The following AJAP1 variants were observed in gnomAD, a reference collection of about 807,000 sequenced individuals.
The protein encoded by AJAP1 is adherens junction-associated protein 1.
Under a neutral mutation model 35.0 loss-of-function variants are expected in AJAP1, and 5 were observed. The ratio of observed to expected loss-of-function variants is 0.14; its 90% CI spans 0.07 to 0.30. The LOEUF (loss-of-function observed/expected upper bound fraction) is 0.30. AJAP1 is among the 10% of genes least tolerant of loss of function. The probability of loss-of-function intolerance (pLI) is 1.00; values close to 1 mark genes in which losing one functional copy is unlikely to be tolerated. For missense variants in AJAP1, 586 were observed against 571.0 expected, an observed-to-expected ratio of 1.03 and a Z score of -0.27; for synonymous variants, 284 against 249.3, an observed-to-expected ratio of 1.14 and a Z score of -1.31.
chr1:4,762,179 T>C (rs1277759328), intron 2 of AJAP1, among the ~76,000 whole-genome samples: 1 of 152,230 alleles, frequency 6.6e-6, no homozygotes, highest in Non-Finnish European at 1.5e-5. Flanking sequence ...AGTGAGGGGC[T>C]GAAGCCTGGA....
chr1:4,736,236 G>T (rs436132), intron 2 of AJAP1, among the ~76,000 whole-genome samples: 1 of 152,108 alleles, frequency 6.6e-6, no homozygotes, highest in Non-Finnish European at 1.5e-5. Context: ...CTCTGATGTT[G>T]CCCCTCGCCT....
At chr1:4,708,644 C>A (rs1325348820) in intron 1 of AJAP1, among the ~76,000 whole-genome samples, 4 of 152,208 alleles carry the variant, frequency 2.6e-5, no homozygotes, top group African/African-American at 7.2e-5. Flanking sequence ...CCAAGTCCTC[C>A]TGCTGCAGAG....
At chr1:4,771,625 A>G (rs1430307129) in intron 3 of AJAP1, among the ~76,000 whole-genome samples, 2 of 152,170 alleles carry the variant, frequency 1.3e-5, no homozygotes, top group Admixed American at 6.5e-5. Flanking sequence ...TAGGAGTCCC[A>G]TGGTCACTAT....
At position 4,791,156 on chromosome 1, in the gene AJAP1, C is replaced by T. The variant is rs1463787970; in HGVS notation, c.*8671C>T. The stretch of plus-strand genomic sequence containing the variant: ...GACCTTTACTAACTGACTCTTGGTA[C>T]CCGGATTGTTGAGAGGTGAGTGGGA... On this transcript the variant is annotated 3_prime_UTR_variant, in exon 6 of 6. Transcript: ENST00000378191. The T allele has an allele frequency of 6.6e-6, 1 of 152,164 alleles. No homozygotes were observed. The highest frequency in any genetic ancestry group is 2.4e-5 in the African/African-American group (1 of 41,502). The allele number at this position is 152,164 out of a possible 1,614,324, so 9.4% of individuals were successfully genotyped here.
intron 1 of AJAP1, among the ~76,000 whole-genome samples, chr1:4,694,624 G>T (rs572458723): frequency 6.6e-6 from 1 of 152,244 alleles, no homozygotes; most frequent in African/African-American, 2.4e-5. Flanking sequence ...AGATGAGCTC[G>T]TGGGTCACGC....
chr1:4,790,889 T>A lies in AJAP1; in HGVS notation c.*8404T>A, dbSNP rs561425887. ...CATGTGCCTAGTTTGCAGCACCAAATACTGGTCTTCTCAGAAGTGTTTCTG... is the reference window on the plus strand; with the variant it reads ...CATGTGCCTAGTTTGCAGCACCAAAAACTGGTCTTCTCAGAAGTGTTTCTG... On this transcript the variant is annotated 3_prime_UTR_variant, in exon 6 of 6. Coordinates refer to ENST00000378191, the MANE Select transcript of AJAP1 (RefSeq NM_018836.4). The A allele has an allele frequency of 3.9e-5, 6 of 152,316 alleles. No individual in the cohort carries two copies. In the South Asian group the frequency reaches 6.2e-4, roughly 16 times the overall value. The allele number at this position is 152,316 out of a possible 1,614,324, so 9.4% of individuals were successfully genotyped here. A position where few individuals can be genotyped will look rare whatever the true frequency, so the allele number is the denominator to read the frequency against.
chr1:4,760,195 G>A (rs1045493726), intron 2 of AJAP1, among the ~76,000 whole-genome samples: 10 of 152,014 alleles, frequency 6.6e-5, no homozygotes, highest in African/African-American at 2.4e-4. Flanking sequence ...GTGAGCCTGT[G>A]TGTGTGTGCA....
At chr1:4,719,562 T>C (rs2100280009) in intron 2 of AJAP1, among the ~76,000 whole-genome samples, 1 of 151,850 alleles carries the variant, frequency 6.6e-6, no homozygotes, top group Non-Finnish European at 1.5e-5. Context: ...GGGCGTGTGG[T>C]GGGGCTGAGA....
At chr1:4,732,437 C>T (rs1640821581) in intron 2 of AJAP1, among the ~76,000 whole-genome samples, 1 of 152,280 alleles carries the variant, frequency 6.6e-6, no homozygotes, top group African/African-American at 2.4e-5. Context: ...TCCAAGCTAC[C>T]CTGCCCTGTG....
intron 2 of AJAP1, among the ~76,000 whole-genome samples, chr1:4,752,133 A>G (rs1040359433): frequency 6.6e-6 from 1 of 151,256 alleles, no homozygotes; most frequent in Non-Finnish European, 1.5e-5. Flanking sequence ...CATGTCATTA[A>G]AGGAGGAACA....
rs70955802 is a variant in AJAP1 at position 4,748,747 on chromosome 1, CAAAAAAAA to C, written c.830-21086_830-21079del. Reference sequence around the variant, plus strand: ...TGGGTGACAGAGTGAGACTCTGTCTCAAAAAAAAAAAAAAAAAAAAAAAAAAAGAATGG... The same window carrying C: ...TGGGTGACAGAGTGAGACTCTGTCTCAAAAAAAAAAAAAAAAAAAGAATGG... On this transcript the variant is annotated intron_variant, in intron 2 of 5. Transcript: ENST00000378191. 1.1e-3 allele frequency among the ~76,000 whole-genome samples: 112 copies of C among 98,296 alleles called. 2 individuals are homozygous for C. The East Asian group carries it at 0.017, about 15-fold the overall frequency. 64.5% of individuals were successfully genotyped at this position (98,296 alleles called of 152,430 possible).
chr1:4,754,869 C>G (rs990172297), intron 2 of AJAP1, among the ~76,000 whole-genome samples: 1 of 152,028 alleles, frequency 6.6e-6, no homozygotes, highest in African/African-American at 2.4e-5. Context: ...TCATCTCAAC[C>G]TGGGGCATTT....
intron 2 of AJAP1, among the ~76,000 whole-genome samples, chr1:4,748,950 G>GA (rs950616080): frequency 6.6e-6 from 1 of 152,120 alleles, no homozygotes; most frequent in African/African-American, 2.4e-5. Context: ...AGAACTGTGA[G>GA]AAATAAGTCT....
intron 1 of AJAP1, among the ~76,000 whole-genome samples, chr1:4,675,151 G>A (rs1477063531): frequency 1.3e-5 from 2 of 152,200 alleles, no homozygotes; most frequent in African/African-American, 2.4e-5. Context: ...TGAGGATAGA[G>A]GGAGTAGTCC....
At chr1:4,703,913 A>G (rs1640042995) in intron 1 of AJAP1, among the ~76,000 whole-genome samples, 1 of 152,206 alleles carries the variant, frequency 6.6e-6, no homozygotes, top group Non-Finnish European at 1.5e-5. Flanking sequence ...TGGGCTAGGA[A>G]TGCCTGGCAG....
chr1:4,660,958 C>G lies in AJAP1; in HGVS notation c.29+5504C>G, dbSNP rs534262341. Among the ~76,000 whole-genome samples, 85 of 152,252 alleles carry G rather than the reference C, an allele frequency of 5.6e-4. 1 individual carries two copies. The highest frequency in any genetic ancestry group is 2.0e-3 in the African/African-American group (83 of 41,540). ...TTCGGGGTCAGCCCCACTTTTCTAC[C>G]CTGGCTTATAGGCTTCAAGACCATA... On this transcript the variant is annotated intron_variant, in intron 1 of 5. Coordinates refer to ENST00000378191, the MANE Select transcript of AJAP1 (RefSeq NM_018836.4).
At chr1:4,673,278 AATTCAATAGT>A (rs1639286248) in intron 1 of AJAP1, among the ~76,000 whole-genome samples, 1 of 152,172 alleles carries the variant, frequency 6.6e-6, no homozygotes, top group Non-Finnish European at 1.5e-5. Context: ...ATAGCTAACT[AATTCAATAGT>A]TAGCTATCTA....
chr1:4,688,866 G>A (rs1639668720), intron 1 of AJAP1, among the ~76,000 whole-genome samples: 1 of 151,832 alleles, frequency 6.6e-6, no homozygotes, highest in Admixed American at 6.6e-5. Flanking sequence ...ATTAACTCAG[G>A]AAGTTCACAG....
At chr1:4,685,488 T>G (rs1231268139) in intron 1 of AJAP1, among the ~76,000 whole-genome samples, 2 of 152,186 alleles carry the variant, frequency 1.3e-5, no homozygotes, top group African/African-American at 4.8e-5. Flanking sequence ...GCTGTGATGG[T>G]TTATTTGCAA....
Sources: gnomAD v4.1 joint callset for allele counts (sites outside exome capture counted in the v4.1 genomes callset) on GRCh38, gnomAD v4.1.1 for gene constraint, MANE v1.5 for transcripts, NCBI Gene and HGNC (gene_info 2026-07-23, HGNC 2026-07-21) for gene names.